SLA: variants seen among roughly 807,000 people sequenced by gnomAD.
SLA encodes the protein src-like-adapter.
Under a neutral mutation model 30.3 loss-of-function variants are expected in SLA, and 16 were observed. The ratio of observed to expected loss-of-function variants is 0.53; its 90% CI spans 0.36 to 0.80. The LOEUF is 0.80. SLA is among the 30% of genes least tolerant of loss of function. SLA has a pLI of 0.01. For synonymous variants in SLA, 143 were observed against 137.8 expected, an observed-to-expected ratio of 1.04 and a Z score of -0.26; for missense variants, 310 against 345.2, an observed-to-expected ratio of 0.90 and a Z score of 0.81.
intron 1 of SLA, among the ~76,000 whole-genome samples, chr8:133,089,011 A>G (rs531153648): frequency 6.6e-6 from 1 of 152,378 alleles, no homozygotes; most frequent in Non-Finnish European, 1.5e-5. Flanking sequence ...GCTCAATAGC[A>G]TGCCACAATT....
chr8:133,049,958 A>G lies in SLA; in HGVS notation c.192T>C (p.Leu64=). 1 of 1,613,662 alleles carries G rather than the reference A, an allele frequency of 6.2e-7. No individual in the cohort carries two copies. The highest frequency in any genetic ancestry group is 8.5e-7 in the Non-Finnish European group (1 of 1,179,520). ...GGATGTAACTCTCTCGACCAGTGCT[A>G]AGAGAAATAGCTTTCCACCAGCCCC... ...DEGGWWKAIS[L]STGRESYIPG... is the part of the protein sequence containing the mutation. Residue 64 remains leucine, a synonymous_variant, in exon 5 of 9, where the codon CTT becomes CTC. Transcript: ENST00000338087.
At chr8:133,094,567 G>C (rs1351183304) in intron 1 of SLA, 3 of 230,976 alleles carry the variant, frequency 1.3e-5, no homozygotes, top group Non-Finnish European at 2.6e-5. Flanking sequence ...CCCTTACAAA[G>C]ACTGTGTTTT....
chr8:133,074,891 C>T lies in SLA; in HGVS notation c.-79G>A. The stretch of plus-strand genomic sequence containing the variant: ...GCATGACTCCTGTGGGAGCTGTCTG[C>T]AGAGGGATTGCTGGGTGCAGAGTCA... On this transcript the variant is annotated 5_prime_UTR_variant, in exon 2 of 9. Coordinates refer to ENST00000338087, the MANE Select transcript of SLA (RefSeq NM_001045556.3). 1.0e-6 allele frequency: 1 copy of T among 985,548 alleles called. No individual in the cohort carries two copies. Among genetic ancestry groups the T allele is most frequent in the Non-Finnish European group, 1.2e-6 (1 of 829,992 alleles). 61.1% of individuals were successfully genotyped at this position (985,548 alleles called of 1,614,324 possible).
intron 1 of SLA, chr8:133,096,425 T>C (rs1203269232): frequency 1.2e-6 from 2 of 1,604,428 alleles, no homozygotes; most frequent in Non-Finnish European, 1.7e-6. Context: ...TCCTAAGGGC[T>C]CTGGACCTCA....
In SLA at chr8:133,095,167, C is replaced by T. The variant is rs201444172; in HGVS notation, c.-319+7386G>A. 2.6e-4 allele frequency: 426 copies of T among 1,614,184 alleles called. 2 individuals carry two copies. The highest frequency in any genetic ancestry group is 1.1e-3 in the Admixed American group (68 of 60,020). On this transcript the variant is annotated intron_variant, in intron 1 of 8. Coordinates refer to ENST00000338087, the MANE Select transcript of SLA (RefSeq NM_001045556.3). ...CAGCCAAGAAGTGGTGTCCTGCCTC[C>T]GCCAGAAGCCTGCCAATGTCCTCAA...
chr8:133,093,146 T>TTC (rs879559542), intron 1 of SLA, among the ~76,000 whole-genome samples: 4 of 138,984 alleles, frequency 2.9e-5, no homozygotes, highest in East Asian at 1.9e-4. Flanking sequence ...TTTCTTTTTT[T>TTC]TTTTTAATTT....
rs960021344 is a variant in SLA, at chr8:133,042,377, C to A, written c.485-2247G>T. 2.0e-5 allele frequency among the ~76,000 whole-genome samples: 3 copies of A among 152,286 alleles called. 1 individual carries two copies. Among genetic ancestry groups the A allele is most frequent in the Admixed American group, 6.5e-5 (1 of 15,292 alleles). On this transcript the variant is annotated intron_variant, in intron 7 of 8. Coordinates refer to ENST00000338087, the MANE Select transcript of SLA (RefSeq NM_001045556.3). The stretch of plus-strand genomic sequence containing the variant: ...GTTCCTAGACCCTCAAGGTCCCCAG[C>A]CCTTGATTTTCCCAGCCATATTTTA...
chr8:133,078,779 T>C (rs1278537088), intron 1 of SLA, among the ~76,000 whole-genome samples: 3 of 152,206 alleles, frequency 2.0e-5, no homozygotes, highest in Non-Finnish European at 2.9e-5. Flanking sequence ...CCAACATCTA[T>C]TGTAAATTTC....
intron 1 of SLA, among the ~76,000 whole-genome samples, chr8:133,083,043 T>A (rs989594841): frequency 2.6e-5 from 4 of 152,190 alleles, no homozygotes; most frequent in African/African-American, 9.6e-5. Context: ...GGGAGAGCGA[T>A]GAGTAGGCAG....
intron 1 of SLA, among the ~76,000 whole-genome samples, chr8:133,088,895 T>A (rs1356193334): frequency 1.3e-5 from 2 of 150,956 alleles, no homozygotes; most frequent in Non-Finnish European, 2.9e-5. Flanking sequence ...ACAAGATGAT[T>A]TTAGTGTAGA....
intron 1 of SLA, among the ~76,000 whole-genome samples, chr8:133,096,030 T>C (rs1588083695): frequency 6.6e-6 from 1 of 152,210 alleles, no homozygotes; most frequent in Non-Finnish European, 1.5e-5. Context: ...TCATTCACCC[T>C]CCAGCCCCTG....
chr8:133,100,719 C>T (rs1849109109), intron 1 of SLA, among the ~76,000 whole-genome samples: 1 of 152,200 alleles, frequency 6.6e-6, no homozygotes, highest in Admixed American at 6.5e-5. Flanking sequence ...CATCTACCAT[C>T]AACGGTATGC....
At chr8:133,055,351 ACACACGCACGCG>A (rs1454475243) in intron 3 of SLA, among the ~76,000 whole-genome samples, 9 of 82,100 alleles carry the variant, frequency 1.1e-4, no homozygotes, top group Admixed American at 3.7e-4. Flanking sequence ...TTCAGGACAC[ACACACGCACGCG>A]CGCACACACA....
chr8:133,102,590 C>T lies in SLA; in HGVS notation c.-356G>A, dbSNP rs890416231. ...AGGGCTGCCTGAGATGTTCTCCATTCGCAGCAAATGATCTTATTTTCTGAA... is the reference window on the plus strand; with the variant it reads ...AGGGCTGCCTGAGATGTTCTCCATTTGCAGCAAATGATCTTATTTTCTGAA... On this transcript the variant is annotated 5_prime_UTR_variant, in exon 1 of 9. Coordinates refer to ENST00000338087, the MANE Select transcript of SLA (RefSeq NM_001045556.3). 1.8e-5 allele frequency: 28 copies of T among 1,550,722 alleles called. No individual in the cohort carries two copies. Among genetic ancestry groups the T allele is most frequent in the African/African-American group, 4.1e-5 (3 of 73,022 alleles).
intron 1 of SLA, among the ~76,000 whole-genome samples, chr8:133,077,450 T>C (rs1193374476): frequency 6.6e-6 from 1 of 151,922 alleles, no homozygotes; most frequent in African/African-American, 2.4e-5. Context: ...GCCCGGGGTG[T>C]TTATGACCCT....
chr8:133,075,310 G>A (rs529323640), intron 1 of SLA, among the ~76,000 whole-genome samples, 180 bp from the exon 2 acceptor site: 4 of 152,252 alleles, frequency 2.6e-5, no homozygotes, highest in South Asian at 4.1e-4. Flanking sequence ...GAAGGCTGTG[G>A]CTAAGAGCTG....
chr8:133,046,107 A>G (rs1468656042), intron 6 of SLA, among the ~76,000 whole-genome samples: 1 of 152,130 alleles, frequency 6.6e-6, no homozygotes, highest in Non-Finnish European at 1.5e-5. Flanking sequence ...ATGTGCCTCG[A>G]TTTCCTCAAA....
Position 133,049,960 on chromosome 8 carries a change from G to C in SLA, c.190C>G (p.Leu64Val), listed in dbSNP as rs1432531062. The change falls in exon 5 of 9, where the codon CTT becomes GTT. Residue 64 changes from leucine (L) to valine (V), a missense_variant. Physicochemically the swap from Leu to Val is conservative, Grantham distance 32 (BLOSUM62 1). Transcript: ENST00000338087. The part of the protein sequence containing the change: ...DEGGWWKAIS[L>V]STGRESYIPG... ...ATGTAACTCTCTCGACCAGTGCTAA[G>C]AGAAATAGCTTTCCACCAGCCCCCT... The C allele has an allele frequency of 6.2e-7, 1 of 1,613,604 alleles. No homozygotes were observed. The highest frequency in any genetic ancestry group is 1.3e-5 in the African/African-American group (1 of 75,030).
intron 2 of SLA, among the ~76,000 whole-genome samples, chr8:133,072,445 G>A (rs1479478243): frequency 2.0e-5 from 3 of 152,144 alleles, no homozygotes; most frequent in Non-Finnish European, 2.9e-5. Flanking sequence ...TAGATGGATA[G>A]ATGGATAGAT....
Sources: gnomAD v4.1 joint callset for allele counts (sites outside exome capture counted in the v4.1 genomes callset) on GRCh38, gnomAD v4.1.1 for gene constraint, MANE v1.5 for transcripts, NCBI Gene and HGNC (gene_info 2026-07-23, HGNC 2026-07-21) for gene names.